STN1: variants seen among roughly 807,000 people sequenced by gnomAD.
The protein encoded by STN1 is CST complex subunit STN1.
STN1 carries 29 observed loss-of-function variants against 45.5 expected under a neutral mutation model. The ratio of observed to expected loss-of-function variants is 0.64; its 90% CI spans 0.47 to 0.87. STN1 has a LOEUF of 0.87. Ranked by LOEUF, STN1 falls within the 40% of genes least tolerant of loss-of-function variation. The pLI, the probability that STN1 is intolerant of heterozygous loss-of-function variation, is 0.00. For synonymous variants in STN1, 148 were observed against 159.0 expected, an observed-to-expected ratio of 0.93 and a Z score of 0.52; for missense variants, 376 against 441.4, an observed-to-expected ratio of 0.85 and a Z score of 1.33.
At chr10:103,890,735 T>C (rs1843134882) in intron 8 of STN1, among the ~76,000 whole-genome samples, 1 of 152,182 alleles carries the variant, frequency 6.6e-6, no homozygotes, top group South Asian at 2.1e-4. Flanking sequence ...TAAATGGTAT[T>C]GTAATTTCTA....
At chr10:103,899,933 T>G in intron 5 of STN1, 129 bp downstream of exon 5, 1 of 686,490 alleles carries the variant, frequency 1.5e-6, no homozygotes, top group Non-Finnish European at 2.5e-6. Flanking sequence ...TTAAACAATG[T>G]AATTCACTCA....
intron 7 of STN1, among the ~76,000 whole-genome samples, chr10:103,893,666 C>T (rs1232316177): frequency 6.6e-6 from 1 of 152,176 alleles, no homozygotes; most frequent in African/African-American, 2.4e-5. Flanking sequence ...GACATTTCCT[C>T]AAGGGGAGAG....
At chr10:103,906,556 G>A (rs1445588348) in intron 3 of STN1, among the ~76,000 whole-genome samples, 3 of 152,190 alleles carry the variant, frequency 2.0e-5, no homozygotes. Context: ...AGCTACTTGG[G>A]AGGCTGAGGT....
chr10:103,895,118 A>G (rs1286686266), intron 7 of STN1, among the ~76,000 whole-genome samples: 1 of 152,214 alleles, frequency 6.6e-6, no homozygotes, highest in Non-Finnish European at 1.5e-5. Context: ...GACCTCCCCA[A>G]CCAGAGCAAT....
intron 2 of STN1, among the ~76,000 whole-genome samples, chr10:103,914,362 A>ATTTTT (rs1564636144): frequency 8.0e-5 from 1 of 12,446 alleles, no homozygotes; most frequent in Admixed American, 1.3e-3. Context: ...ATATATATAT[A>ATTTTT]TATATATATA....
At chr10:103,890,915 T>C (rs981591940) in intron 8 of STN1, among the ~76,000 whole-genome samples, 2 of 152,298 alleles carry the variant, frequency 1.3e-5, no homozygotes, top group South Asian at 4.1e-4. Flanking sequence ...CACCCACTGA[T>C]GTCAGTGGTC....
At chr10:103,917,821 T>C (rs773041239) in intron 1 of STN1, among the ~76,000 whole-genome samples, 165 bp from the exon 2 acceptor site, 5 of 152,224 alleles carry the variant, frequency 3.3e-5, no homozygotes, top group Non-Finnish European at 7.3e-5. Context: ...GAGGCGTTCC[T>C]CACGTCAGGA....
intron 3 of STN1, among the ~76,000 whole-genome samples, chr10:103,908,175 C>T (rs896727721): frequency 2.0e-5 from 3 of 151,962 alleles, no homozygotes; most frequent in African/African-American, 7.3e-5. Flanking sequence ...CTAGAGAATG[C>T]GAGGTCATTC....
intron 9 of STN1, among the ~76,000 whole-genome samples, chr10:103,885,421 CCATGGGGCCCA>C (rs1348356225): frequency 1.3e-5 from 2 of 152,234 alleles, no homozygotes; most frequent in East Asian, 3.9e-4. Context: ...TTACAGGCAT[CCATGGGGCCCA>C]AAGCAGTGAT....
At chr10:103,889,234 T>C (rs2134358731) in intron 8 of STN1, 90 bp from the exon 9 acceptor site, 2 of 802,630 alleles carry the variant, frequency 2.5e-6, no homozygotes, top group South Asian at 2.9e-5. Context: ...TTCAGGATAG[T>C]TTCTAAAGAT....
At chr10:103,886,984 T>A (rs2134357147) in intron 9 of STN1, among the ~76,000 whole-genome samples, 1 of 152,342 alleles carries the variant, frequency 6.6e-6, no homozygotes, top group South Asian at 2.1e-4. Flanking sequence ...ACAGGCTTGA[T>A]GTTCATAGTC....
intron 7 of STN1, among the ~76,000 whole-genome samples, chr10:103,895,377 T>A (rs1214225308): frequency 6.6e-6 from 1 of 152,164 alleles, no homozygotes; most frequent in Non-Finnish European, 1.5e-5. Flanking sequence ...TGGCTTCATG[T>A]GAAAAATATG....
intron 9 of STN1, among the ~76,000 whole-genome samples, chr10:103,888,637 A>G (rs910815718): frequency 1.3e-5 from 2 of 152,210 alleles, no homozygotes; most frequent in African/African-American, 4.8e-5. Flanking sequence ...GTTAGAATAG[A>G]GGGAAATGTC....
At chr10:103,902,569 T>A (rs1250274401) in intron 4 of STN1, among the ~76,000 whole-genome samples, 1 of 152,140 alleles carries the variant, frequency 6.6e-6, no homozygotes, top group Non-Finnish European at 1.5e-5. Flanking sequence ...GAAAGATAAA[T>A]CCCCTTTAAC....
At chr10:103,894,806 T>C (rs1341210195) in intron 7 of STN1, among the ~76,000 whole-genome samples, 2 of 151,670 alleles carry the variant, frequency 1.3e-5, no homozygotes, top group South Asian at 2.1e-4. Flanking sequence ...CTGAAATATA[T>C]ATAGTCTTCA....
In STN1 at chr10:103,886,012, A is replaced by G. The variant is rs546051393; in HGVS notation, c.949+3060T>C. On this transcript the variant is annotated intron_variant, in intron 9 of 9. Coordinates refer to ENST00000224950, the MANE Select transcript of STN1 (RefSeq NM_024928.5). ...CCCAAATGACATAAAGATACATTTCAGATATAACCTACTACTATAACTACA... is the reference window on the plus strand; with the variant it reads ...CCCAAATGACATAAAGATACATTTCGGATATAACCTACTACTATAACTACA... Among the ~76,000 whole-genome samples the G allele has an allele frequency of 5.3e-5, 8 of 152,340 alleles. No individual in the cohort carries two copies. In the South Asian group the frequency reaches 1.5e-3, roughly 28 times the overall value.
Position 103,881,894 on chromosome 10 carries a change from T to G in STN1, c.*790A>C, listed in dbSNP as rs1374991526. Among the ~76,000 whole-genome samples the G allele has an allele frequency of 2.0e-5, 3 of 152,186 alleles. No individual in the cohort carries two copies. The highest frequency in any genetic ancestry group is 2.1e-4 in the South Asian group (1 of 4,826). On this transcript the variant is annotated 3_prime_UTR_variant, in exon 10 of 10. Transcript: ENST00000224950. ...GATGGTGTCAGCACATCCTGCACAC[T>G]CAGCGGCAACCCTGAAAATAACATC...
rs1214697697 is a variant in STN1, at chr10:103,882,333, T to C, written c.*351A>G. On this transcript the variant is annotated 3_prime_UTR_variant, in exon 10 of 10. Coordinates refer to ENST00000224950, the MANE Select transcript of STN1 (RefSeq NM_024928.5). ...CCTGAATGTTCACTACCCTGTGGTG[T>C]CCCTTTGCCATGGAAGAGACTCCAA... Among the ~76,000 whole-genome samples, 1 of 152,232 alleles carries C rather than the reference T, an allele frequency of 6.6e-6. No homozygotes were observed. Among genetic ancestry groups the C allele is most frequent in the African/African-American group, 2.4e-5 (1 of 41,460 alleles).
At chr10:103,908,903 G>A (rs1009664906) in intron 3 of STN1, among the ~76,000 whole-genome samples, 4 of 147,760 alleles carry the variant, frequency 2.7e-5, no homozygotes, top group Admixed American at 6.7e-5. Flanking sequence ...TTTTTTTTTG[G>A]TGGGTGGGGG....
Sources: gnomAD v4.1 joint callset for allele counts (sites outside exome capture counted in the v4.1 genomes callset) on GRCh38, gnomAD v4.1.1 for gene constraint, MANE v1.5 for transcripts, NCBI Gene and HGNC (gene_info 2026-07-23, HGNC 2026-07-21) for gene names.